B9D1: variants seen among roughly 807,000 people sequenced by gnomAD.
B9D1 encodes B9 domain containing 1.
Under a neutral mutation model 26.1 loss-of-function variants are expected in B9D1, and 20 were observed. The ratio of observed to expected loss-of-function variants is 0.77; its 90% CI spans 0.54 to 1.12. The LOEUF (loss-of-function observed/expected upper bound fraction) is 1.12. Ranked by LOEUF, B9D1 falls within the 50% of genes most tolerant of loss-of-function variation. B9D1 has a pLI of 0.00. For synonymous variants in B9D1, 105 were observed against 103.1 expected (o/e 1.02, Z -0.11); for missense variants, 260 against 273.7 (o/e 0.95, Z 0.35).
chr17:19,341,078 A>C (rs1200575362), downstream of B9D1: 2 of 1,209,546 alleles, frequency 1.7e-6, no homozygotes, highest in African/African-American at 3.1e-5. Context: ...AATGATGTCA[A>C]CTTTTCCACA....
At chr17:19,339,218 T>C (rs934257984), downstream of B9D1, among the ~76,000 whole-genome samples, 1 of 152,174 alleles carries the variant, frequency 6.6e-6, no homozygotes, top group Non-Finnish European at 1.5e-5. Flanking sequence ...TGATGCTAAT[T>C]TTTTTTAGAT....
rs1023735908 is a variant in B9D1 at position 19,372,724 on chromosome 17, G to T, written c.-298+5135C>A. On this transcript the variant is annotated intron_variant, in intron 1 of 5. Coordinates refer to the B9D1 transcript ENST00000477478. This position sits in a 1 kb window ranked among gnomAD's most constrained non-coding sequence, Gnocchi z 4.4. ...AGAAAGGATGCCCCGGCCTCCATGTGACGGAGCTGGATTCAAACCCAGGTG... is the reference window on the plus strand; with the variant it reads ...AGAAAGGATGCCCCGGCCTCCATGTTACGGAGCTGGATTCAAACCCAGGTG... Among the ~76,000 whole-genome samples the T allele has an allele frequency of 1.3e-5, 2 of 152,194 alleles. No individual in the cohort carries two copies. The highest frequency in any genetic ancestry group is 4.8e-5 in the African/African-American group (2 of 41,452).
chr17:19,370,223 G>A lies in B9D1; in HGVS notation c.-298+7636C>T, dbSNP rs1911824313. 6.6e-6 allele frequency among the ~76,000 whole-genome samples: 1 copy of A among 152,252 alleles called. No homozygotes were observed. The highest frequency in any genetic ancestry group is 2.1e-4 in the South Asian group (1 of 4,830). ...CAGCTGTTGCAGGAACACGATTTGA[G>A]TTGTTTTTTGAAAGATTGCTCTGGC... On this transcript the variant is annotated intron_variant, in intron 1 of 5. Transcript: ENST00000477478. The surrounding 1 kb of genome is among the most constrained non-coding windows in gnomAD (Gnocchi z 5.1).
At position 19,357,617 on chromosome 17, in the gene B9D1, G is replaced by A. The variant is rs1464183458; in HGVS notation, c.244+223C>T. 6.9e-6 allele frequency: 4 copies of A among 583,444 alleles called. No homozygotes were observed. In the South Asian group the frequency reaches 7.4e-5, roughly 11 times the overall value. 36.1% of individuals were successfully genotyped at this position (583,444 alleles called of 1,614,324 possible). A position where few individuals can be genotyped will look rare whatever the true frequency, so the allele number is the denominator to read the frequency against. On this transcript the variant is annotated intron_variant, in intron 3 of 6. Transcript: ENST00000261499. ...AGCCCTGATGCACTCTGAACTTCCA[G>A]AAGGCCAGCTGCACAGCCTGTAGCA...
At chr17:19,362,810 G>T, upstream of B9D1, 1 of 1,228,800 alleles carries the variant, frequency 8.1e-7, no homozygotes, top group Non-Finnish European at 1.1e-6. Context: ...CCTTAGGGCA[G>T]GTATGACCGA....
At chr17:19,354,994 C>T (rs901151262) in intron 3 of B9D1, among the ~76,000 whole-genome samples, 37 of 152,192 alleles carry the variant, frequency 2.4e-4, no homozygotes, top group African/African-American at 8.4e-4. Flanking sequence ...AGCTATTTAT[C>T]CCTTCCAATA....
intron 3 of B9D1, among the ~76,000 whole-genome samples, chr17:19,356,512 G>T (rs1910379518): frequency 6.6e-6 from 1 of 152,178 alleles, no homozygotes; most frequent in South Asian, 2.1e-4. Flanking sequence ...AGGCTGCTCT[G>T]CTTCCATCTC....
Position 19,343,411 on chromosome 17 carries a change from TCAC to T in B9D1, c.520_522del (p.Val174del), listed in dbSNP as rs886038206. On this transcript the variant is annotated inframe_deletion, in exon 7 of 7. Coordinates refer to ENST00000261499, the MANE Select transcript of B9D1 (RefSeq NM_015681.6). The stretch of plus-strand genomic sequence containing the variant: ...TAGCCCAGTTTCCTCATGTCCTTGG[TCAC>T]CACGTTGAAGAGGAGGGTGACAAAG... 1 of 1,614,100 alleles carries T rather than the reference TCAC, an allele frequency of 6.2e-7. No homozygotes were observed.
upstream of B9D1, among the ~76,000 whole-genome samples, chr17:19,367,381 G>A (rs931396175): frequency 6.9e-6 from 1 of 145,802 alleles, no homozygotes; most frequent in Non-Finnish European, 1.5e-5. Flanking sequence ...GCGCCATCTC[G>A]GCTCACTGCA....
At chr17:19,346,987 A>C (rs1220232340) in intron 5 of B9D1, 1 of 1,533,406 alleles carries the variant, frequency 6.5e-7, no homozygotes, top group South Asian at 1.2e-5. Context: ...ACATTATGTC[A>C]TGAGCATTTT....
chr17:19,346,942 C>G (rs1908885559), intron 5 of B9D1: 10 of 1,473,892 alleles, frequency 6.8e-6, no homozygotes, highest in Admixed American at 2.3e-5. Context: ...CTGACTCATA[C>G]TGCTATATCC....
chr17:19,340,763 T>C (rs1335605555), downstream of B9D1, among the ~76,000 whole-genome samples: 1 of 128,536 alleles, frequency 7.8e-6, no homozygotes, highest in Non-Finnish European at 1.6e-5. Flanking sequence ...CATTCCAGCC[T>C]GGGCGACAGA....
intron 5 of B9D1, among the ~76,000 whole-genome samples, chr17:19,344,807 G>C (rs2152255684): frequency 6.6e-6 from 1 of 152,354 alleles, no homozygotes; most frequent in African/African-American, 2.4e-5. Context: ...CGCAGAGTTG[G>C]CCTGTGGAGA....
chr17:19,335,621 G>A (rs529904622), downstream of B9D1: 2 of 575,836 alleles, frequency 3.5e-6, no homozygotes, highest in African/African-American at 1.9e-5. Context: ...AGACAGGGGT[G>A]GGGGGCTAAG....
intron 1 of B9D1, among the ~76,000 whole-genome samples, chr17:19,376,672 C>CCTG (rs1487560297): frequency 6.9e-6 from 1 of 144,176 alleles, no homozygotes; most frequent in Non-Finnish European, 1.5e-5. Flanking sequence ...ATGGCTCATG[C>CCTG]CTGTGATCCC....
Position 19,343,300 on chromosome 17 carries a change from T to C in B9D1, c.*19A>G. The C allele has an allele frequency of 1.9e-6, 3 of 1,613,986 alleles. No homozygotes were observed. The highest frequency in any genetic ancestry group is 1.1e-5 in the South Asian group (1 of 91,080). On this transcript the variant is annotated 3_prime_UTR_variant, in exon 7 of 7. Transcript: ENST00000261499. ...AAGGCAGCCCTTCATTATCAGAGAC[T>C]GTGCAGCCTGTGGAGCCTTCACTGG...
intron 1 of B9D1, chr17:19,377,600 G>T: frequency 6.5e-6 from 1 of 154,710 alleles, no homozygotes; most frequent in Non-Finnish European, 1.4e-5. Flanking sequence ...TTTCCTTCCA[G>T]CTCACAGTAT....
chr17:19,346,091 G>C (rs1908739330), intron 5 of B9D1, among the ~76,000 whole-genome samples: 1 of 152,252 alleles, frequency 6.6e-6, no homozygotes, highest in Admixed American at 6.5e-5. Context: ...CTGGATGGCT[G>C]TGTGGGTCCC....
chr17:19,369,455 A>T (rs1034413988), intron 1 of B9D1, among the ~76,000 whole-genome samples: 4 of 151,980 alleles, frequency 2.6e-5, no homozygotes, highest in Non-Finnish European at 5.9e-5. Flanking sequence ...TTTATATTTT[A>T]TTTTTTCTCA....
Sources: allele counts gnomAD v4.1 joint callset (sites outside exome capture counted in the v4.1 genomes callset), GRCh38; gene constraint gnomAD v4.1.1; non-coding constraint Gnocchi (gnomAD v3.1); transcripts MANE v1.5; gene names NCBI Gene and HGNC (gene_info 2026-07-23, HGNC 2026-07-21).